SERHL2: variants seen among roughly 807,000 people sequenced by gnomAD.
SERHL2 encodes serine hydrolase-like protein 2.
In SERHL2, 29 loss-of-function variants were observed where a neutral mutation model predicts 25.5. The ratio of observed to expected loss-of-function variants is 1.14; its 90% CI spans 0.85 to 1.55. The LOEUF (loss-of-function observed/expected upper bound fraction) is 1.55. Ranked by LOEUF, SERHL2 falls within the 40% of genes most tolerant of loss-of-function variation. The pLI is 0.00. For synonymous variants in SERHL2, 95 were observed against 103.5 expected, an observed-to-expected ratio of 0.92 and a Z score of 0.50; for missense variants, 240 against 252.3, an observed-to-expected ratio of 0.95 and a Z score of 0.33.
In SERHL2 at chr22:42,574,295, C is replaced by T. The variant is rs1005622913; in HGVS notation, c.*240C>T. On this transcript the variant is annotated 3_prime_UTR_variant, in exon 12 of 12. Coordinates refer to ENST00000327678, the MANE Select transcript of SERHL2 (RefSeq NM_014509.5). Reference sequence around the variant, plus strand: ...TCCTGGCTAATAATAAATATCCAGCCAGCTGGAGGAAGGAAGGGCAGGCTG... The same window carrying T: ...TCCTGGCTAATAATAAATATCCAGCTAGCTGGAGGAAGGAAGGGCAGGCTG... The T allele has an allele frequency of 1.5e-5, 8 of 547,302 alleles. No individual in the cohort carries two copies. Among genetic ancestry groups the T allele is most frequent in the African/African-American group, 1.3e-4 (7 of 51,932 alleles). The allele number at this position is 547,302 out of a possible 1,614,324, so 33.9% of individuals were successfully genotyped here.
intron 8 of SERHL2, chr22:42,563,315 T>C: frequency 3.6e-6 from 1 of 274,770 alleles, no homozygotes; most frequent in Non-Finnish European, 7.6e-6. Flanking sequence ...GCGATCCTCC[T>C]ACCTCAGCCT....
At position 42,574,093 on chromosome 22, in the gene SERHL2, A is replaced by C. The variant is rs764271381; in HGVS notation, c.*38A>C. The stretch of plus-strand genomic sequence containing the variant: ...AACTATGAAGACCTAGTGCTCCCAG[A>C]CTCAACACTGGGACTCTGAGTTCCT... On this transcript the variant is annotated 3_prime_UTR_variant, in exon 12 of 12. Transcript: ENST00000327678. 6.9e-6 allele frequency: 11 copies of C among 1,585,222 alleles called. No individual in the cohort carries two copies. The South Asian group carries it at 1.2e-4, about 18-fold the overall frequency.
intron 10 of SERHL2, 73 bp downstream of exon 10, chr22:42,571,276 C>T (rs1924147099): frequency 9.4e-6 from 15 of 1,599,406 alleles, no homozygotes; most frequent in East Asian, 4.6e-5. Flanking sequence ...GGAGGGGGCC[C>T]TGGCATGAGG....
rs185068331 is a variant in SERHL2, at chr22:42,560,900, C to T, written c.613+635C>T. On this transcript the variant is annotated intron_variant, in intron 8 of 11. Transcript: ENST00000327678. ...ACAGGTGTGAGCTACTGTGCCTGGC[C>T]CAGGAAATCTTTTGTAAGGGCCTGC... 1.4e-4 allele frequency among the ~76,000 whole-genome samples: 21 copies of T among 151,780 alleles called. 1 individual carries two copies. The East Asian group carries it at 4.1e-3, about 29-fold the overall frequency.
chr22:42,559,633 G>A (rs1455423071), intron 7 of SERHL2, among the ~76,000 whole-genome samples: 1 of 151,570 alleles, frequency 6.6e-6, no homozygotes, highest in Non-Finnish European at 1.5e-5. Flanking sequence ...AACGAAGAAT[G>A]GCATGAACCC....
chr22:42,560,334 G>A, intron 8 of SERHL2, 69 bp downstream of exon 8: 1 of 1,209,546 alleles, frequency 8.3e-7, no homozygotes, highest in Non-Finnish European at 1.2e-6. Context: ...TCAAGGACTT[G>A]CCTTAGACCA....
intron 1 of SERHL2, 129 bp downstream of exon 1, chr22:42,554,171 G>C: frequency 2.6e-6 from 3 of 1,162,960 alleles, no homozygotes; most frequent in South Asian, 1.3e-5. Context: ...CTCCTTCCTC[G>C]GCAGTCCCGG....
intron 1 of SERHL2, 168 bp from the exon 2 acceptor site, chr22:42,554,770 T>A (rs1272469340): frequency 1.7e-6 from 1 of 592,344 alleles, no homozygotes; most frequent in Non-Finnish European, 3.0e-6. Flanking sequence ...GAGTCTCCAC[T>A]CCCATGTCTG....
chr22:42,553,978 A>C lies in SERHL2; in HGVS notation c.-43A>C. On this transcript the variant is annotated 5_prime_UTR_variant, in exon 1 of 12. Transcript: ENST00000327678. ...GTCACTCTGCTCCTGCGACCTAGCCAGGCGTGAGGGAGTGACAGCAGCGCA... is the reference window on the plus strand; with the variant it reads ...GTCACTCTGCTCCTGCGACCTAGCCCGGCGTGAGGGAGTGACAGCAGCGCA... 2 of 1,612,156 alleles carry C rather than the reference A, an allele frequency of 1.2e-6. No individual in the cohort carries two copies. The highest frequency in any genetic ancestry group is 1.7e-6 in the Non-Finnish European group (2 of 1,178,768).
intron 9 of SERHL2, among the ~76,000 whole-genome samples, chr22:42,567,223 G>GC (rs1923508717): frequency 1.3e-5 from 2 of 152,082 alleles, no homozygotes; most frequent in South Asian, 4.1e-4. Context: ...CCAGGCCCAG[G>GC]CCAAGAGATG....
At chr22:42,570,072 C>A in intron 9 of SERHL2, 1 of 152,242 alleles carries the variant, frequency 6.6e-6, no homozygotes, top group Admixed American at 6.5e-5. Context: ...CAGAGCAGCA[C>A]AGTGCAATGG....
chr22:42,566,076 C>T lies in SERHL2; in HGVS notation c.614-228C>T, dbSNP rs915222939. Among the ~76,000 whole-genome samples, 17 of 152,174 alleles carry T rather than the reference C, an allele frequency of 1.1e-4. 1 individual carries two copies. The highest frequency in any genetic ancestry group is 1.9e-4 in the East Asian group (1 of 5,186). ...TTCTGCACCGGCCCTTTGGGGTGGC[C>T]GGTGAGGGCCCATGTGGGCTGACAG... is the stretch of plus-strand genomic sequence containing the variant. On this transcript the variant is annotated intron_variant, in intron 8 of 11. Transcript: ENST00000327678.
intron 8 of SERHL2, among the ~76,000 whole-genome samples, chr22:42,562,447 CCT>C (rs1922805205): frequency 1.3e-5 from 2 of 151,830 alleles, no homozygotes; most frequent in Non-Finnish European, 2.9e-5. Context: ...TCTGTTCCCA[CCT>C]CTCTGGCTGC....
intron 8 of SERHL2, among the ~76,000 whole-genome samples, chr22:42,561,104 C>T (rs1315037268): frequency 6.6e-6 from 1 of 151,910 alleles, no homozygotes; most frequent in Admixed American, 6.5e-5. Context: ...AGATGATACA[C>T]AGGTGAACAG....
intron 9 of SERHL2, among the ~76,000 whole-genome samples, chr22:42,567,169 G>T (rs1425369586): frequency 6.6e-6 from 1 of 152,076 alleles, no homozygotes; most frequent in Non-Finnish European, 1.5e-5. Flanking sequence ...TGTCATTAGA[G>T]GTGGGGACGC....
chr22:42,567,963 C>G (rs1033559119), intron 9 of SERHL2, among the ~76,000 whole-genome samples: 1 of 151,614 alleles, frequency 6.6e-6, no homozygotes, highest in Non-Finnish European at 1.5e-5. Flanking sequence ...CTCCTGACCT[C>G]AGGTGATCTG....
chr22:42,554,115 T>G, intron 1 of SERHL2, 73 bp downstream of exon 1: 1 of 1,556,538 alleles, frequency 6.4e-7, no homozygotes, highest in Non-Finnish European at 8.8e-7. Flanking sequence ...GAGGGCGGGA[T>G]GGAGTGGAGG....
At chr22:42,572,397 AAG>A in intron 10 of SERHL2, 37 bp from the exon 11 acceptor site, 1 of 1,500,688 alleles carries the variant, frequency 6.7e-7, no homozygotes, top group Non-Finnish European at 9.3e-7. Flanking sequence ...AGGCGGTTCT[AAG>A]ATGAACCCCA....
At chr22:42,571,269 G>A in intron 10 of SERHL2, 66 bp downstream of exon 10, 1 of 1,602,434 alleles carries the variant, frequency 6.2e-7, no homozygotes, top group Non-Finnish European at 8.5e-7. Context: ...ATCTCCGGGA[G>A]GGGGCCCTGG....
Sources: gnomAD v4.1 joint callset for allele counts (sites outside exome capture counted in the v4.1 genomes callset) on GRCh38, gnomAD v4.1.1 for gene constraint, MANE v1.5 for transcripts, NCBI Gene and HGNC (gene_info 2026-07-23, HGNC 2026-07-21) for gene names.